The following BRCA1 variants were observed in gnomAD, a reference collection of about 807,000 sequenced individuals.
BRCA1 encodes BRCA1 DNA repair associated, also known as breast cancer type 1 susceptibility protein.
BRCA1 carries 140 observed loss-of-function variants against 173.7 expected under a neutral mutation model. That is an observed-to-expected ratio of 0.81 (90% CI 0.70 to 0.93). BRCA1 has a LOEUF of 0.93. Ranked by LOEUF, BRCA1 falls within the 40% of genes least tolerant of loss-of-function variation. BRCA1 has a pLI of 0.00. For missense variants in BRCA1, 1,983 were observed against 2,172.5 expected, an observed-to-expected ratio of 0.91 and a Z score of 1.73; for synonymous variants, 662 against 756.0, an observed-to-expected ratio of 0.88 and a Z score of 2.04.
intron 20 of BRCA1, 136 bp from the exon 21 acceptor site, chr17:43,049,330 C>A: frequency 1.2e-6 from 1 of 811,790 alleles, no homozygotes; most frequent in African/African-American, 1.7e-5. Flanking sequence ...CTCCAAAGGA[C>A]AATGGTCTTA....
chr17:43,086,242 C>T (rs777191440), intron 11 of BRCA1, among the ~76,000 whole-genome samples: 5 of 152,036 alleles, frequency 3.3e-5, no homozygotes, highest in Non-Finnish European at 7.4e-5. Flanking sequence ...CCAAATGGAA[C>T]ACATGACCTT....
At chr17:43,103,296 G>A (rs1158872841) in intron 6 of BRCA1, among the ~76,000 whole-genome samples, 3 of 151,786 alleles carry the variant, frequency 2.0e-5, no homozygotes, top group Non-Finnish European at 4.4e-5. Flanking sequence ...GTGAAACCCC[G>A]ACTCTACTAA....
intron 1 of BRCA1, chr17:43,163,464 C>G (rs1313815408): frequency 3.9e-5 from 6 of 152,248 alleles, no homozygotes; most frequent in Admixed American, 3.3e-4. Flanking sequence ...AAAATATTGA[C>G]TTAAATCCTG....
chr17:43,132,023 A>G (rs1337454742), intron 1 of BRCA1, among the ~76,000 whole-genome samples: 1 of 152,158 alleles, frequency 6.6e-6, no homozygotes, highest in Non-Finnish European at 1.5e-5. Context: ...GCCTCAAGCA[A>G]TCCAGCGGCC....
Position 43,092,825 on chromosome 17 carries a change from T to C in BRCA1, c.2706A>G (p.Glu902=), listed in dbSNP as rs398122665. Residue 902 remains glutamate (E), a synonymous_variant, in exon 10 of 23, where the codon GAA becomes GAG. Transcript: ENST00000357654. The part of the protein sequence containing the change: ...LKKQSPKVTF[E]CEQKEENQGK... ...CTTGATTTTCTTCCTTTTGTTCACA[T>C]TCAAAAGTGACTTTTGGACTTTGTT... 6.2e-7 allele frequency: 1 copy of C among 1,614,024 alleles called. No homozygotes were observed. Among genetic ancestry groups the C allele is most frequent in the Non-Finnish European group, 8.5e-7 (1 of 1,179,946 alleles).
intron 9 of BRCA1, among the ~76,000 whole-genome samples, chr17:43,095,235 C>G (rs1476055883): frequency 6.6e-6 from 1 of 152,118 alleles, no homozygotes; most frequent in Non-Finnish European, 1.5e-5. Flanking sequence ...ACTTACCACT[C>G]CCTATATTTA....
At position 43,144,345 on chromosome 17, in the gene BRCA1, G is replaced by A. The variant is rs867405726; in HGVS notation, c.-19-20230C>T. On this transcript the variant is annotated intron_variant, in intron 1 of 7. Coordinates refer to the BRCA1 transcript ENST00000634433. The stretch of plus-strand genomic sequence containing the variant: ...GAAAAAGACAGGGCTTGGCCACACA[G>A]TGCAGGTAGGCCCAGTGATCCTATG... The A allele has an allele frequency of 1.5e-5, 3 of 194,266 alleles. No homozygotes were observed. In the Middle Eastern group the frequency reaches 1.5e-3, roughly 97 times the overall value. The allele number at this position is 194,266 out of a possible 1,614,324, so 12.0% of individuals were successfully genotyped here. A position where few individuals can be genotyped will look rare whatever the true frequency, so the allele number is the denominator to read the frequency against.
intron 3 of BRCA1, among the ~76,000 whole-genome samples, chr17:43,106,736 TG>T (rs1567812624): frequency 6.6e-6 from 1 of 152,196 alleles, no homozygotes; most frequent in African/African-American, 2.4e-5. Flanking sequence ...ACATAAGCAA[TG>T]ATCTATGAAA....
rs144813115 is a variant in BRCA1, at chr17:43,051,936, T to C, written c.5278-819A>G. On this transcript the variant is annotated intron_variant, in intron 19 of 22. Coordinates refer to ENST00000357654, the MANE Select transcript of BRCA1 (RefSeq NM_007294.4). ...AGGCATAAGCCACTGCGCCCGGCCC[T>C]CTCTGACTTTCTTCTAGCCCCCTAA... Among the ~76,000 whole-genome samples the C allele has an allele frequency of 3.3e-5, 5 of 152,250 alleles. No individual in the cohort carries two copies. The East Asian group carries it at 7.7e-4, about 24-fold the overall frequency.
At chr17:43,142,950 A>ATGTG (rs1163739976) in intron 1 of BRCA1, among the ~76,000 whole-genome samples, 269 of 134,838 alleles carry the variant, frequency 2.0e-3, no homozygotes, top group African/African-American at 6.7e-3. Flanking sequence ...GTATATATAT[A>ATGTG]TGTGTGTGTG....
chr17:43,152,043 G>A (rs2056165300), intron 1 of BRCA1, among the ~76,000 whole-genome samples: 1 of 152,224 alleles, frequency 6.6e-6, no homozygotes, highest in South Asian at 2.1e-4. Flanking sequence ...TCCCCAGGTA[G>A]AAACTGGTGC....
chr17:43,145,939 G>C (rs1051421739), intron 1 of BRCA1, among the ~76,000 whole-genome samples: 11 of 152,028 alleles, frequency 7.2e-5, no homozygotes, highest in African/African-American at 2.7e-4. Context: ...TTAATGTCTT[G>C]AACATTTTAA....
chr17:43,067,532 G>A (rs2153690874), intron 16 of BRCA1, 76 bp downstream of exon 16: 1 of 1,222,586 alleles, frequency 8.2e-7, no homozygotes, highest in Non-Finnish European at 1.2e-6. Flanking sequence ...GCGATTACAG[G>A]CATGCGCCAC....
At position 43,106,483 on chromosome 17, in the gene BRCA1, G is replaced by A. The variant is rs786202286; in HGVS notation, c.185C>T (p.Pro62Leu). 2 of 1,604,100 alleles carry A rather than the reference G, an allele frequency of 1.2e-6. No individual in the cohort carries two copies. Among genetic ancestry groups the A allele is most frequent in the East Asian group, 2.2e-5 (1 of 44,746 alleles). ...LNQKKGPSQC[P>L]LCKNDITKRS... is the part of the protein sequence containing the mutation. ...TTTGGTTATATCATTCTTACATAAA[G>A]GACACTGTGAAGGCCCTTTCTTCTG... is the stretch of plus-strand genomic sequence containing the variant. The change falls in exon 4 of 23, where the codon CCT (proline) becomes CTT (leucine). Residue 62 changes from proline to leucine, a missense_variant. Coordinates refer to ENST00000357654, the MANE Select transcript of BRCA1 (RefSeq NM_007294.4).
chr17:43,137,748 G>GCACCT (rs2056039221), intron 1 of BRCA1, among the ~76,000 whole-genome samples: 1 of 146,846 alleles, frequency 6.8e-6, no homozygotes, highest in Non-Finnish European at 1.5e-5. Flanking sequence ...ATGGTGGTGA[G>GCACCT]CACCTGTATT....
intron 1 of BRCA1, chr17:43,165,913 A>C (rs2154581761): frequency 6.6e-6 from 1 of 152,050 alleles, no homozygotes; most frequent in Admixed American, 6.5e-5. Flanking sequence ...GTACCCTAAA[A>C]CTTAAAGTAT....
intron 6 of BRCA1, 52 bp downstream of exon 6, chr17:43,104,070 G>GA (rs921962743): frequency 4.0e-3 from 2,754 of 684,540 alleles, no homozygotes; most frequent in Non-Finnish European, 4.6e-3. Context: ...AAAAAAAAAA[G>GA]AAAAAAAAAA....
intron 1 of BRCA1, among the ~76,000 whole-genome samples, chr17:43,145,625 C>T (rs2056116420): frequency 6.6e-6 from 1 of 152,190 alleles, no homozygotes; most frequent in Non-Finnish European, 1.5e-5. Flanking sequence ...TGCGCCCGGC[C>T]TCCAGAGGAA....
intron 14 of BRCA1, among the ~76,000 whole-genome samples, chr17:43,073,254 A>G (rs2052536049): frequency 6.6e-6 from 1 of 152,120 alleles, no homozygotes; most frequent in South Asian, 2.1e-4. Context: ...AAGGAAAAAA[A>G]AGTTGAAAAA....
Sources: allele counts gnomAD v4.1 joint callset (sites outside exome capture counted in the v4.1 genomes callset), GRCh38; gene constraint gnomAD v4.1.1; transcripts MANE v1.5; gene names NCBI Gene and HGNC (gene_info 2026-07-23, HGNC 2026-07-21).